Variants in TMTC2 observed in about 807,000 individuals in gnomAD.
TMTC2 encodes the protein protein O-mannosyl-transferase TMTC2.
Under a neutral mutation model 82.4 loss-of-function variants are expected in TMTC2, and 43 were observed. The ratio of observed to expected loss-of-function variants is 0.52; its 90% CI spans 0.41 to 0.67. The LOEUF is 0.67. TMTC2 is among the 30% of genes least tolerant of loss of function. The probability of loss-of-function intolerance (pLI) is 0.00; values close to 1 mark genes in which losing one functional copy is unlikely to be tolerated. For synonymous variants in TMTC2, 408 were observed against 381.9 expected, an observed-to-expected ratio of 1.07 and a Z score of -0.80; for missense variants, 919 against 1,012.4, an observed-to-expected ratio of 0.91 and a Z score of 1.25.
intron 4 of TMTC2, among the ~76,000 whole-genome samples, chr12:82,949,870 C>T (rs1302669251): frequency 6.6e-6 from 1 of 152,098 alleles, no homozygotes; most frequent in Non-Finnish European, 1.5e-5. Flanking sequence ...CTCAAGGAAA[C>T]CCCTTTATAA....
At chr12:82,770,468 T>C (rs10862502) in intron 1 of TMTC2, among the ~76,000 whole-genome samples, 24,022 of 150,564 alleles carry the variant, frequency 0.16, 2,414 homozygotes, top group African/African-American at 0.27. Context: ...TAGATAGAAT[T>C]TAGTATGCCT....
chr12:82,937,772 A>ATG (rs1565818367), intron 4 of TMTC2, among the ~76,000 whole-genome samples: 1 of 22,690 alleles, frequency 4.4e-5, no homozygotes, highest in African/African-American at 1.4e-4. Context: ...ATATATATAT[A>ATG]TATATATATA....
At chr12:82,801,813 A>G (rs904774293) in intron 1 of TMTC2, among the ~76,000 whole-genome samples, 4 of 152,150 alleles carry the variant, frequency 2.6e-5, no homozygotes, top group Admixed American at 6.5e-5. Context: ...CGGAGTGTCG[A>G]TTGGTGCATT....
rs78024673 is a variant in TMTC2, at chr12:83,034,675, T to G, written c.2152+3796T>G. Among the ~76,000 whole-genome samples, 965 of 152,330 alleles carry G rather than the reference T, an allele frequency of 6.3e-3. 6 individuals are homozygous for G. The highest frequency in any genetic ancestry group is 0.024 in the Middle Eastern group (7 of 294). Reference sequence around the variant, plus strand: ...TACTGAAATTGTTTGTTTACTTCCTTTAGAAGATTCTAACATAAGAGTAGG... The same window carrying G: ...TACTGAAATTGTTTGTTTACTTCCTGTAGAAGATTCTAACATAAGAGTAGG... On this transcript the variant is annotated intron_variant, in intron 9 of 11. Transcript: ENST00000321196.
chr12:83,018,815 C>T (rs908165606), intron 8 of TMTC2, among the ~76,000 whole-genome samples: 2 of 152,106 alleles, frequency 1.3e-5, no homozygotes, highest in South Asian at 2.1e-4. Flanking sequence ...AAGGAGAGTA[C>T]GCATTTAAGA....
intron 1 of TMTC2, among the ~76,000 whole-genome samples, chr12:82,840,056 G>A (rs796925948): frequency 2.0e-5 from 3 of 152,110 alleles, no homozygotes; most frequent in South Asian, 4.1e-4. Flanking sequence ...TATATATAGG[G>A]GTATTGACCA....
chr12:82,952,658 G>A (rs796383147), intron 4 of TMTC2, among the ~76,000 whole-genome samples: 16 of 152,178 alleles, frequency 1.1e-4, no homozygotes, highest in African/African-American at 3.9e-4. Context: ...TGATTCTCCT[G>A]CCTCAGCCTC....
At chr12:82,712,899 C>T (rs909622337) in intron 1 of TMTC2, among the ~76,000 whole-genome samples, 7 of 151,936 alleles carry the variant, frequency 4.6e-5, no homozygotes, top group African/African-American at 1.7e-4. Context: ...GGGAATCTTT[C>T]GCACCAAGTC....
At chr12:82,785,015 T>A (rs949576093) in intron 1 of TMTC2, among the ~76,000 whole-genome samples, 1 of 152,108 alleles carries the variant, frequency 6.6e-6, no homozygotes, top group African/African-American at 2.4e-5. Flanking sequence ...AGTGAACAAC[T>A]GAAGGCTATT....
intron 4 of TMTC2, among the ~76,000 whole-genome samples, chr12:82,960,761 C>A (rs1399252025): frequency 1.3e-5 from 2 of 151,626 alleles, no homozygotes; most frequent in Non-Finnish European, 2.9e-5. Context: ...ATGTAAGAAA[C>A]CTGTACATGA....
intron 1 of TMTC2, among the ~76,000 whole-genome samples, chr12:82,729,838 C>T (rs965518890): frequency 2.0e-5 from 3 of 152,264 alleles, no homozygotes; most frequent in Admixed American, 6.5e-5. Flanking sequence ...GTCCACACTG[C>T]CTTTATGAGC....
intron 2 of TMTC2, among the ~76,000 whole-genome samples, chr12:82,864,200 C>T (rs1297268863): frequency 1.3e-5 from 2 of 152,050 alleles, no homozygotes; most frequent in African/African-American, 4.8e-5. Context: ...AGATTGAGAC[C>T]ACCTGGTATG....
chr12:82,824,607 T>A (rs1034210819), intron 1 of TMTC2, among the ~76,000 whole-genome samples: 13 of 152,204 alleles, frequency 8.5e-5, no homozygotes, highest in African/African-American at 3.1e-4. Flanking sequence ...TAATAGGAAT[T>A]ATATGCCTGT....
chr12:82,847,602 A>G lies in TMTC2; in HGVS notation c.84-9408A>G, dbSNP rs144745627. Among the ~76,000 whole-genome samples, 11 of 152,298 alleles carry G rather than the reference A, an allele frequency of 7.2e-5. No homozygotes were observed. In the East Asian group the frequency reaches 7.7e-4, roughly 11 times the overall value. ...AAATGTGGCACATATACACCATGGA[A>G]TACTATGCAGCCATAACAAAGGATG... On this transcript the variant is annotated intron_variant, in intron 1 of 11. Transcript: ENST00000321196.
chr12:83,129,163 T>G (rs1391485408), intron 11 of TMTC2, among the ~76,000 whole-genome samples: 1 of 152,224 alleles, frequency 6.6e-6, no homozygotes, highest in African/African-American at 2.4e-5. Flanking sequence ...CAAAATGTTA[T>G]AACTGAACCT....
rs115193381 is a variant in TMTC2 at position 82,789,299 on chromosome 12, C to A, written c.84-67711C>A. Reference sequence around the variant, plus strand: ...GTCAGGGGAAAAAAGAGAATTGCAACCTGTGGGGTCTAATTGTGTGTATGC... The same window carrying A: ...GTCAGGGGAAAAAAGAGAATTGCAAACTGTGGGGTCTAATTGTGTGTATGC... On this transcript the variant is annotated intron_variant, in intron 1 of 11. Coordinates refer to ENST00000321196, the MANE Select transcript of TMTC2 (RefSeq NM_152588.3). 1.3e-3 allele frequency among the ~76,000 whole-genome samples: 205 copies of A among 152,102 alleles called. 1 individual carries two copies. The highest frequency in any genetic ancestry group is 4.4e-3 in the African/African-American group (182 of 41,512).
At chr12:82,755,744 A>T (rs1055160124) in intron 1 of TMTC2, among the ~76,000 whole-genome samples, 4 of 152,334 alleles carry the variant, frequency 2.6e-5, no homozygotes, top group African/African-American at 9.6e-5. Flanking sequence ...TAACTGAAAT[A>T]GACCTGATTG....
chr12:82,917,790 G>C (rs570527395), intron 3 of TMTC2, among the ~76,000 whole-genome samples: 11 of 152,252 alleles, frequency 7.2e-5, no homozygotes, highest in African/African-American at 1.9e-4. Context: ...TTTTAGTAGA[G>C]ACAGGGTTTC....
chr12:82,748,318 A>G lies in TMTC2; in HGVS notation c.83+60649A>G, dbSNP rs571427476. The stretch of plus-strand genomic sequence containing the variant: ...AGAGTGTGACTGTCTCAAAGAAAAA[A>G]AAAAAGTTTAGAAGTCATTTTGGAG... On this transcript the variant is annotated intron_variant, in intron 1 of 11. Coordinates refer to ENST00000321196, the MANE Select transcript of TMTC2 (RefSeq NM_152588.3). 2.0e-5 allele frequency among the ~76,000 whole-genome samples: 3 copies of G among 152,258 alleles called. No individual in the cohort carries two copies. The East Asian group carries it at 5.8e-4, about 29-fold the overall frequency.
Sources: gnomAD v4.1 joint callset for allele counts (sites outside exome capture counted in the v4.1 genomes callset) on GRCh38, gnomAD v4.1.1 for gene constraint, MANE v1.5 for transcripts, NCBI Gene and HGNC (gene_info 2026-07-23, HGNC 2026-07-21) for gene names.